The following MSI2 variants were observed in gnomAD, a reference collection of about 807,000 sequenced individuals.
MSI2 encodes the protein musashi RNA binding protein 2.
Under a neutral mutation model 45.6 loss-of-function variants are expected in MSI2, and 17 were observed. The observed-to-expected ratio is 0.37, with a 90% CI of 0.26 to 0.56. The LOEUF (loss-of-function observed/expected upper bound fraction) is 0.56. Among genes scored for constraint, MSI2 ranks in the 20% least tolerant of loss-of-function variants. MSI2 has a pLI of 0.77. For missense variants in MSI2, 293 were observed against 444.2 expected (o/e 0.66, Z 3.06); for synonymous variants, 156 against 158.2 (o/e 0.99, Z 0.11).
At chr17:57,414,534 C>A (rs1253336404) in intron 6 of MSI2, among the ~76,000 whole-genome samples, 1 of 151,986 alleles carries the variant, frequency 6.6e-6, no homozygotes, top group Non-Finnish European at 1.5e-5. Context: ...GGATTATAGG[C>A]GCCTGTCACC....
intron 5 of MSI2, among the ~76,000 whole-genome samples, chr17:57,390,029 G>A (rs1419581009): frequency 1.3e-5 from 2 of 151,450 alleles, no homozygotes; most frequent in African/African-American, 2.4e-5. Context: ...CTTGAAGCCA[G>A]GAGCTTGAGA....
At chr17:57,444,950 C>G (rs1282798324) in intron 6 of MSI2, among the ~76,000 whole-genome samples, 1 of 152,184 alleles carries the variant, frequency 6.6e-6, no homozygotes, top group East Asian at 1.9e-4. Flanking sequence ...CCCATCTCAG[C>G]TCCTGGCATT....
chr17:57,316,885 A>G lies in MSI2; in HGVS notation c.312+54693A>G, dbSNP rs532191739. ...CTCTGTTGGTGATGGGACACTAGAA[A>G]TTATAATTTAATAATTTGCATGCTG... is the stretch of plus-strand genomic sequence containing the variant. On this transcript the variant is annotated intron_variant, in intron 5 of 13. Transcript: ENST00000284073. 7.9e-5 allele frequency among the ~76,000 whole-genome samples: 12 copies of G among 152,078 alleles called. No homozygotes were observed. In the South Asian group the frequency reaches 1.2e-3, roughly 16 times the overall value.
chr17:57,377,792 A>C (rs2083524895), intron 5 of MSI2, among the ~76,000 whole-genome samples: 1 of 151,932 alleles, frequency 6.6e-6, no homozygotes, highest in Non-Finnish European at 1.5e-5. Context: ...AAGTGAAGGC[A>C]TGGCCAGGCA....
chr17:57,464,200 C>T (rs144587883), intron 6 of MSI2, among the ~76,000 whole-genome samples: 2,442 of 152,092 alleles, frequency 0.016, 77 homozygotes, highest in African/African-American at 0.055. Flanking sequence ...TCCGGCACTT[C>T]GGGAGGCTGA....
intron 6 of MSI2, among the ~76,000 whole-genome samples, chr17:57,465,705 C>T (rs1375867722): frequency 2.0e-5 from 3 of 152,186 alleles, no homozygotes; most frequent in Non-Finnish European, 4.4e-5. Flanking sequence ...GTTCTGTGCT[C>T]TTAGCCTGAG....
At chr17:57,260,251 T>A (rs1277919361) in intron 4 of MSI2, among the ~76,000 whole-genome samples, 1 of 152,230 alleles carries the variant, frequency 6.6e-6, no homozygotes, top group Admixed American at 6.5e-5. Flanking sequence ...CTTCCTCTCC[T>A]TCAGAGATCT....
intron 6 of MSI2, among the ~76,000 whole-genome samples, chr17:57,476,703 A>G (rs2085543732): frequency 6.6e-6 from 1 of 152,200 alleles, no homozygotes; most frequent in Non-Finnish European, 1.5e-5. Flanking sequence ...GCACCAAACT[A>G]AACACTTTGG....
chr17:57,588,146 T>C (rs1904483282), intron 7 of MSI2, among the ~76,000 whole-genome samples: 1 of 152,102 alleles, frequency 6.6e-6, no homozygotes, highest in South Asian at 2.1e-4. Flanking sequence ...GGGAGGGCTG[T>C]GCTAAGAGGG....
Position 57,552,707 on chromosome 17 carries a change from C to T in MSI2, c.454+22983C>T, listed in dbSNP as rs1289910347. On this transcript the variant is annotated intron_variant, in intron 7 of 13. Coordinates refer to ENST00000284073, the MANE Select transcript of MSI2 (RefSeq NM_138962.4). The surrounding 1 kb of genome is among the most constrained non-coding windows in gnomAD (Gnocchi z 4.3). ...TCACCCAACCCTCTCTGAGCCCCAA[C>T]ATGGGGGAACACTGGTCTCTTCTTT... Among the ~76,000 whole-genome samples the T allele has an allele frequency of 1.3e-5, 2 of 152,238 alleles. No homozygotes were observed. The highest frequency in any genetic ancestry group is 4.8e-5 in the African/African-American group (2 of 41,462).
chr17:57,496,120 G>A (rs2085974139), intron 6 of MSI2, among the ~76,000 whole-genome samples: 2 of 152,250 alleles, frequency 1.3e-5, no homozygotes, highest in Middle Eastern at 3.4e-3. Flanking sequence ...CAGAGATCTG[G>A]GGCTTAATTA....
At chr17:57,646,589 G>T (rs1339560466) in intron 10 of MSI2, among the ~76,000 whole-genome samples, 1 of 152,232 alleles carries the variant, frequency 6.6e-6, no homozygotes, top group East Asian at 1.9e-4. Context: ...AGGGCCCGAA[G>T]AAGTGAAGTG....
At position 57,485,991 on chromosome 17, in the gene MSI2, C is replaced by T. The variant is rs752202124; in HGVS notation, c.406-43685C>T. ...GCTTCTCTGCCTCTCCAGGGAAAGC[C>T]GTTAGGGTACTGCAGGGAGGGGGTC... is the stretch of plus-strand genomic sequence containing the variant. On this transcript the variant is annotated intron_variant, in intron 6 of 13. Transcript: ENST00000284073. 1.1e-3 allele frequency among the ~76,000 whole-genome samples: 169 copies of T among 152,322 alleles called. 7 individuals carry two copies. The highest frequency in any genetic ancestry group is 8.7e-4 in the Non-Finnish European group (59 of 68,024).
chr17:57,493,282 G>T (rs1567856950), intron 6 of MSI2, among the ~76,000 whole-genome samples: 1 of 152,152 alleles, frequency 6.6e-6, no homozygotes, highest in Non-Finnish European at 1.5e-5. Flanking sequence ...CCGAAGAAAG[G>T]TAAAAGGAGC....
intron 5 of MSI2, among the ~76,000 whole-genome samples, chr17:57,379,364 T>G (rs1598191958): frequency 6.7e-6 from 1 of 149,616 alleles, no homozygotes; most frequent in Non-Finnish European, 1.5e-5. Context: ...TCACTGGTAC[T>G]TTATGGAAGG....
chr17:57,299,021 G>A (rs1367925889), intron 5 of MSI2, among the ~76,000 whole-genome samples: 2 of 152,192 alleles, frequency 1.3e-5, no homozygotes, highest in Non-Finnish European at 2.9e-5. Flanking sequence ...ATCAGCACTT[G>A]CTGTATTACT....
chr17:57,389,430 C>T (rs951618298), intron 5 of MSI2, among the ~76,000 whole-genome samples: 15 of 152,296 alleles, frequency 9.8e-5, no homozygotes, highest in African/African-American at 3.4e-4. Flanking sequence ...GTCCTTCTGC[C>T]AGACAGGCTG....
At chr17:57,323,504 C>T (rs1328693881) in intron 5 of MSI2, among the ~76,000 whole-genome samples, 1 of 152,246 alleles carries the variant, frequency 6.6e-6, no homozygotes, top group Non-Finnish European at 1.5e-5. Flanking sequence ...AGCCTTTGCC[C>T]TCCTGTCCCT....
chr17:57,528,165 G>A (rs540526780), intron 6 of MSI2, among the ~76,000 whole-genome samples: 2 of 152,216 alleles, frequency 1.3e-5, no homozygotes, highest in South Asian at 2.1e-4. Flanking sequence ...AGTAAATGAA[G>A]AGAGTAGGCT....
Sources: allele counts gnomAD v4.1 joint callset (sites outside exome capture counted in the v4.1 genomes callset), GRCh38; gene constraint gnomAD v4.1.1; non-coding constraint Gnocchi (gnomAD v3.1); transcripts MANE v1.5; gene names NCBI Gene and HGNC (gene_info 2026-07-23, HGNC 2026-07-21).